RSU1: variants seen among roughly 807,000 people sequenced by gnomAD.
The protein encoded by RSU1 is Ras suppressor protein 1.
Under a neutral mutation model 31.1 loss-of-function variants are expected in RSU1, and 26 were observed. The ratio of observed to expected loss-of-function variants is 0.84; its 90% CI spans 0.61 to 1.16. The LOEUF is 1.16. RSU1 is among the 50% of genes most tolerant of loss of function. The pLI is 0.00. For missense variants in RSU1, 320 were observed against 339.1 expected (o/e 0.94, Z 0.44); for synonymous variants, 164 against 136.3 (o/e 1.20, Z -1.41).
chr10:16,764,988 G>GC (rs1837284237), intron 3 of RSU1, among the ~76,000 whole-genome samples: 1 of 150,794 alleles, frequency 6.6e-6, no homozygotes, highest in African/African-American at 2.5e-5. Flanking sequence ...TGGCTAATGG[G>GC]GGGGGAGAAA....
intron 7 of RSU1, among the ~76,000 whole-genome samples, chr10:16,739,317 T>A (rs1469409146): frequency 6.6e-6 from 1 of 152,102 alleles, no homozygotes; most frequent in Non-Finnish European, 1.5e-5. Context: ...AACTAATTTA[T>A]ACTCCCACCA....
chr10:16,759,624 A>T (rs1837167836), intron 4 of RSU1, among the ~76,000 whole-genome samples: 1 of 152,236 alleles, frequency 6.6e-6, no homozygotes. Context: ...GTTATTCCCG[A>T]ACAGTTGGGC....
chr10:16,770,246 G>A (rs536769685), intron 3 of RSU1, among the ~76,000 whole-genome samples: 14 of 152,132 alleles, frequency 9.2e-5, no homozygotes, highest in Admixed American at 2.6e-4. Flanking sequence ...CAGGCACCAC[G>A]CAAAAAACAT....
intron 8 of RSU1, among the ~76,000 whole-genome samples, chr10:16,691,450 T>C (rs1835547829): frequency 6.6e-6 from 1 of 150,992 alleles, no homozygotes; most frequent in Non-Finnish European, 1.5e-5. Context: ...TATTTTGGGC[T>C]AGTATGTTTG....
chr10:16,794,305 G>A (rs942875023), intron 2 of RSU1, among the ~76,000 whole-genome samples: 1 of 152,114 alleles, frequency 6.6e-6, no homozygotes, highest in Non-Finnish European at 1.5e-5. Flanking sequence ...AACTCTGACA[G>A]GCAGACTTGT....
intron 8 of RSU1, among the ~76,000 whole-genome samples, chr10:16,694,748 T>G (rs1373200013): frequency 1.3e-5 from 2 of 152,050 alleles, no homozygotes; most frequent in African/African-American, 4.8e-5. Flanking sequence ...TTTCTTTTTC[T>G]TTTTCTTTTG....
At chr10:16,660,645 CTTTT>C (rs796601054) in intron 8 of RSU1, among the ~76,000 whole-genome samples, 1,650 of 79,556 alleles carry the variant, frequency 0.021, 32 homozygotes, top group Middle Eastern at 0.044. Context: ...CTTGAACTCT[CTTTT>C]TTTTTTTTTT....
chr10:16,756,347 A>C (rs1040280427), intron 4 of RSU1, among the ~76,000 whole-genome samples: 4 of 152,156 alleles, frequency 2.6e-5, no homozygotes, highest in African/African-American at 9.7e-5. Context: ...CAACCTAAAA[A>C]ATTTTTAAAT....
chr10:16,751,660 A>G (rs74125865), intron 7 of RSU1, among the ~76,000 whole-genome samples: 1 of 152,196 alleles, frequency 6.6e-6, no homozygotes, highest in Non-Finnish European at 1.5e-5. Flanking sequence ...ATTGCATTCT[A>G]ATTTCTAACA....
intron 7 of RSU1, among the ~76,000 whole-genome samples, chr10:16,706,967 A>G (rs1304521575): frequency 1.3e-5 from 2 of 151,888 alleles, no homozygotes; most frequent in African/African-American, 4.9e-5. Context: ...GTTGTTAAGA[A>G]AAAAAGATCT....
chr10:16,692,569 C>A (rs1333195914), intron 8 of RSU1, among the ~76,000 whole-genome samples: 2 of 152,042 alleles, frequency 1.3e-5, no homozygotes, highest in African/African-American at 2.4e-5. Flanking sequence ...CTCTAAATAG[C>A]TTCCTGTTTA....
chr10:16,723,251 C>G (rs1836319896), intron 7 of RSU1: 1 of 152,070 alleles, frequency 6.6e-6, no homozygotes, highest in Non-Finnish European at 1.5e-5. Flanking sequence ...TTACATTTCT[C>G]TTTAATTATA....
intron 8 of RSU1, among the ~76,000 whole-genome samples, chr10:16,682,012 T>C (rs1457869639): frequency 6.6e-6 from 1 of 152,146 alleles, no homozygotes; most frequent in Non-Finnish European, 1.5e-5. Context: ...ATACCTCTCT[T>C]GGCATGCTGA....
intron 8 of RSU1, among the ~76,000 whole-genome samples, chr10:16,650,238 A>G (rs1325070552): frequency 6.6e-6 from 1 of 152,216 alleles, no homozygotes; most frequent in African/African-American, 2.4e-5. Flanking sequence ...CAGACACGTC[A>G]AAAGGTTGAC....
intron 7 of RSU1, among the ~76,000 whole-genome samples, chr10:16,725,949 A>G (rs1836384975): frequency 6.6e-6 from 1 of 151,230 alleles, no homozygotes; most frequent in Admixed American, 6.6e-5. Context: ...TATCAAAACT[A>G]TTTTGAAAAT....
intron 8 of RSU1, among the ~76,000 whole-genome samples, chr10:16,642,582 AC>A (rs1219225812): frequency 6.6e-6 from 1 of 152,218 alleles, no homozygotes; most frequent in African/African-American, 2.4e-5. Context: ...AAACAAAGAA[AC>A]ATCATGCTTG....
chr10:16,599,827 T>G (rs535208737), intron 8 of RSU1, among the ~76,000 whole-genome samples: 1 of 152,262 alleles, frequency 6.6e-6, no homozygotes, highest in South Asian at 2.1e-4. Flanking sequence ...AGCCTGTGCC[T>G]TTGGTGTAGA....
At chr10:16,652,617 G>T (rs1834707116) in intron 8 of RSU1, among the ~76,000 whole-genome samples, 1 of 151,884 alleles carries the variant, frequency 6.6e-6, no homozygotes, top group South Asian at 2.1e-4. Flanking sequence ...AATTAAAAAA[G>T]AACTCATAAA....
In RSU1 at chr10:16,655,344, G is replaced by C. The variant is rs142805244; in HGVS notation, c.731+39679C>G. On this transcript the variant is annotated intron_variant, in intron 8 of 8. Coordinates refer to ENST00000345264, the MANE Select transcript of RSU1 (RefSeq NM_012425.4). ...GGGCAATGCTTAAGAGCACGGGCTT[G>C]GGACTTAGGCTCCAGGTCAAAGCTG... 1.7e-3 allele frequency among the ~76,000 whole-genome samples: 266 copies of C among 152,244 alleles called. 2 individuals carry two copies. Among genetic ancestry groups the C allele is most frequent in the Non-Finnish European group, 3.3e-3 (224 of 68,004 alleles).
Sources: gnomAD v4.1 joint callset for allele counts (sites outside exome capture counted in the v4.1 genomes callset) on GRCh38, gnomAD v4.1.1 for gene constraint, MANE v1.5 for transcripts, NCBI Gene and HGNC (gene_info 2026-07-23, HGNC 2026-07-21) for gene names.